ADAMTSL1: variants seen among roughly 807,000 people sequenced by gnomAD.
ADAMTSL1 encodes ADAMTS like 1, also known as ADAMTS-like protein 1.
In ADAMTSL1, 126 loss-of-function variants were observed where a neutral mutation model predicts 201.8. That is an observed-to-expected ratio of 0.62 (90% CI 0.54 to 0.72). The LOEUF is 0.72. Ranked by LOEUF, ADAMTSL1 falls within the 30% of genes least tolerant of loss-of-function variation. The probability of loss-of-function intolerance (pLI) is 0.00; values close to 1 mark genes in which losing one functional copy is unlikely to be tolerated. For synonymous variants in ADAMTSL1, 1,121 were observed against 903.4 expected (o/e 1.24, Z -4.32); for missense variants, 2,679 against 2,277.8 (o/e 1.18, Z -3.59).
At chr9:18,018,135 C>G (rs10810885) in intron 1 of ADAMTSL1, among the ~76,000 whole-genome samples, 41,161 of 151,952 alleles carry the variant, frequency 0.27, 7,039 homozygotes, top group Non-Finnish European at 0.38. Flanking sequence ...TATGTGCACT[C>G]AAAAGCCTAA....
intron 2 of ADAMTSL1, among the ~76,000 whole-genome samples, chr9:18,170,045 A>C (rs1192598338): frequency 6.6e-6 from 1 of 152,020 alleles, no homozygotes. Context: ...TTACAAAGAA[A>C]AAATCAGAAC....
rs192520335 is a variant in ADAMTSL1 at position 18,858,870 on chromosome 9, A to C, written c.4249+28893A>C. On this transcript the variant is annotated intron_variant, in intron 23 of 28. Coordinates refer to ENST00000380548, the MANE Select transcript of ADAMTSL1 (RefSeq NM_001040272.6). ...CTTTGGGAACTCCATAAGCCCTCTA[A>C]TATATGTGCAAATATGCTTTTCTCT... Among the ~76,000 whole-genome samples the C allele has an allele frequency of 3.3e-3, 506 of 152,306 alleles. 3 individuals are homozygous for C. The highest frequency in any genetic ancestry group is 0.011 in the African/African-American group (455 of 41,560).
chr9:18,360,156 T>C (rs1388009364), intron 2 of ADAMTSL1, among the ~76,000 whole-genome samples: 1 of 152,098 alleles, frequency 6.6e-6, no homozygotes, highest in Non-Finnish European at 1.5e-5. Flanking sequence ...GGTGTAGCTT[T>C]CTTAGGTTAT....
At chr9:18,435,395 C>A (rs573935736) in intron 2 of ADAMTSL1, among the ~76,000 whole-genome samples, 1 of 152,306 alleles carries the variant, frequency 6.6e-6, no homozygotes, top group South Asian at 2.1e-4. Context: ...TCTCTGACTT[C>A]ACAAAGTTGT....
At chr9:18,081,884 G>C (rs1486758461) in intron 1 of ADAMTSL1, among the ~76,000 whole-genome samples, 1 of 152,158 alleles carries the variant, frequency 6.6e-6, no homozygotes, top group African/African-American at 2.4e-5. Context: ...ACTAGCGTAT[G>C]CTTGTCCTGG....
chr9:18,664,223 T>G (rs1423519686), intron 9 of ADAMTSL1, among the ~76,000 whole-genome samples: 1 of 152,094 alleles, frequency 6.6e-6, no homozygotes, highest in Non-Finnish European at 1.5e-5. Flanking sequence ...GAAATTGCCA[T>G]GAAATTCATT....
intron 1 of ADAMTSL1, among the ~76,000 whole-genome samples, chr9:18,143,393 C>T (rs1345028951): frequency 6.6e-6 from 1 of 152,222 alleles, no homozygotes; most frequent in Non-Finnish European, 1.5e-5. Flanking sequence ...TCCTTTCCCA[C>T]AGTCAGTAAC....
intron 2 of ADAMTSL1, among the ~76,000 whole-genome samples, chr9:18,170,294 A>G (rs915826470): frequency 3.3e-5 from 5 of 152,168 alleles, no homozygotes; most frequent in East Asian, 1.9e-4. Context: ...GGAAAAAGGA[A>G]GCTGGGGAAG....
At chr9:18,003,634 C>T (rs1210831509) in intron 1 of ADAMTSL1, among the ~76,000 whole-genome samples, 1 of 152,028 alleles carries the variant, frequency 6.6e-6, no homozygotes, top group African/African-American at 2.4e-5. Context: ...TGTAGCAAGT[C>T]GGATGGGAAT....
intron 7 of ADAMTSL1, among the ~76,000 whole-genome samples, chr9:18,652,603 C>G (rs1828364262): frequency 6.6e-6 from 1 of 152,082 alleles, no homozygotes; most frequent in African/African-American, 2.4e-5. Flanking sequence ...ATGAAATATT[C>G]AGCACTTTAT....
At chr9:18,189,497 G>A (rs531259021) in intron 2 of ADAMTSL1, among the ~76,000 whole-genome samples, 1 of 152,114 alleles carries the variant, frequency 6.6e-6, no homozygotes, top group African/African-American at 2.4e-5. Flanking sequence ...ACAAACCTAA[G>A]AAGCCTTTTT....
At chr9:18,655,800 T>C (rs1828603741) in intron 7 of ADAMTSL1, among the ~76,000 whole-genome samples, 1 of 90,580 alleles carries the variant, frequency 1.1e-5, no homozygotes, top group Non-Finnish European at 1.9e-5. Context: ...GAGGCTTTTG[T>C]GAGCTTAAAA....
rs1475086021 is a variant in ADAMTSL1, at chr9:18,661,920, G to A, written c.947-15G>A. The A allele has an allele frequency of 6.2e-7, 1 of 1,607,512 alleles. No homozygotes were observed. Among genetic ancestry groups the A allele is most frequent in the South Asian group, 1.1e-5 (1 of 89,522 alleles). On this transcript the variant is annotated splice_polypyrimidine_tract_variant and intron_variant, in intron 8 of 28. Coordinates refer to ENST00000380548, the MANE Select transcript of ADAMTSL1 (RefSeq NM_001040272.6). The stretch of plus-strand genomic sequence containing the variant: ...CATGTACATTTAAACTTGCCTGGAT[G>A]GTTTGATACTACAGGTTATCAGCTG...
intron 1 of ADAMTSL1, among the ~76,000 whole-genome samples, chr9:17,933,376 T>C (rs1826875400): frequency 6.6e-6 from 1 of 152,138 alleles, no homozygotes; most frequent in African/African-American, 2.4e-5. Flanking sequence ...AATCTCCTCA[T>C]CTGAAATTCC....
chr9:18,777,144 T>G lies in ADAMTSL1; in HGVS notation c.2915T>G (p.Leu972Trp), dbSNP rs371702243. 5.6e-6 allele frequency: 9 copies of G among 1,612,866 alleles called. No homozygotes were observed. The highest frequency in any genetic ancestry group is 7.6e-6 in the Non-Finnish European group (9 of 1,179,824). Reference protein sequence around the residue: ...GGNRKLVARPLSPRSEEEVLA... With the variant: ...GGNRKLVARPWSPRSEEEVLA... Reference sequence around the variant, plus strand: ...AACCGCAAGCTCGTGGCCCGGCCCTTGAGCCCGAGAAGTGAGGAAGAGGTG... The same window carrying G: ...AACCGCAAGCTCGTGGCCCGGCCCTGGAGCCCGAGAAGTGAGGAAGAGGTG... The change falls in exon 19 of 29, where the codon TTG becomes TGG. Residue 972 changes from leucine (L) to tryptophan (W), a missense_variant. Leu to Trp is a moderately conservative substitution (Grantham distance 61). Coordinates refer to ENST00000380548, the MANE Select transcript of ADAMTSL1 (RefSeq NM_001040272.6).
At chr9:18,761,816 T>G (rs940508586) in intron 16 of ADAMTSL1, among the ~76,000 whole-genome samples, 1 of 152,176 alleles carries the variant, frequency 6.6e-6, no homozygotes, top group African/African-American at 2.4e-5. Context: ...TGAAGAAAAT[T>G]TGAGAACACA....
intron 26 of ADAMTSL1, chr9:18,905,514 A>C: frequency 2.1e-6 from 1 of 466,024 alleles, no homozygotes; most frequent in Non-Finnish European, 3.9e-6. Flanking sequence ...GATTAATCTG[A>C]GAGGAGCTTG....
chr9:18,662,100 T>C, intron 9 of ADAMTSL1, 27 bp downstream of exon 9: 2 of 1,601,958 alleles, frequency 1.2e-6, no homozygotes, highest in East Asian at 2.2e-5. Flanking sequence ...AGTTCATTTG[T>C]CATAAACATA....
At chr9:18,504,779 T>G (rs774573107) in intron 1 of ADAMTSL1, 50 bp from the exon 2 acceptor site, 23 of 1,613,984 alleles carry the variant, frequency 1.4e-5, no homozygotes, top group Non-Finnish European at 1.8e-5. Flanking sequence ...AACACATGTT[T>G]CAGGGTTCCA....
Sources: allele counts gnomAD v4.1 joint callset (sites outside exome capture counted in the v4.1 genomes callset), GRCh38; gene constraint gnomAD v4.1.1; transcripts MANE v1.5; gene names NCBI Gene and HGNC (gene_info 2026-07-23, HGNC 2026-07-21).